PATJ: variants seen among roughly 807,000 people sequenced by gnomAD.
PATJ encodes inaD-like protein.
A neutral mutation model predicts 224.9 loss-of-function variants in PATJ; 190 were observed. The observed-to-expected ratio is 0.84, with a 90% CI of 0.75 to 0.95. The LOEUF is 0.95. PATJ is among the 40% of genes least tolerant of loss of function. PATJ has a pLI of 0.00. For synonymous variants in PATJ, 769 were observed against 820.3 expected, an observed-to-expected ratio of 0.94 and a Z score of 1.07; for missense variants, 2,121 against 2,270.3, an observed-to-expected ratio of 0.93 and a Z score of 1.34.
chr1:61,938,543 A>G (rs189486610), intron 27 of PATJ, among the ~76,000 whole-genome samples: 7 of 152,260 alleles, frequency 4.6e-5, no homozygotes, highest in Admixed American at 2.6e-4. Context: ...AAAAGTTGAA[A>G]TAAAAAAACA....
chr1:61,784,856 C>CT (rs1478805384), intron 7 of PATJ, among the ~76,000 whole-genome samples: 18 of 152,140 alleles, frequency 1.2e-4, no homozygotes, highest in African/African-American at 4.3e-4. Flanking sequence ...ATTCTTCATT[C>CT]TTTTTTTCAT....
At chr1:61,795,119 A>G (rs963389437) in intron 9 of PATJ, among the ~76,000 whole-genome samples, 1 of 151,472 alleles carries the variant, frequency 6.6e-6, no homozygotes, top group African/African-American at 2.4e-5. Flanking sequence ...AAAAAAAAAA[A>G]AAAGAAGTTT....
intron 22 of PATJ, among the ~76,000 whole-genome samples, chr1:61,891,288 A>G (rs12033235): frequency 0.089 from 13,491 of 152,274 alleles, 743 homozygotes; most frequent in South Asian, 0.25. Flanking sequence ...TTAACGTGAT[A>G]TTTTAAGCTC....
At chr1:62,054,801 A>G (rs1368309182) in intron 31 of PATJ, among the ~76,000 whole-genome samples, 1 of 152,142 alleles carries the variant, frequency 6.6e-6, no homozygotes, top group African/African-American at 2.4e-5. Context: ...TCATGCCTAT[A>G]ATCCCAGCAC....
intron 4 of PATJ, among the ~76,000 whole-genome samples, chr1:61,766,936 T>C (rs142023891): frequency 0.012 from 1,806 of 152,086 alleles, 45 homozygotes; most frequent in African/African-American, 0.041. Flanking sequence ...CTACTAAAAA[T>C]AGAAAAATTA....
intron 27 of PATJ, among the ~76,000 whole-genome samples, chr1:61,965,951 G>C (rs368815776): frequency 6.6e-6 from 1 of 152,006 alleles, no homozygotes; most frequent in South Asian, 2.1e-4. Context: ...TCCCAGGCTG[G>C]AGTGCAATGG....
intron 30 of PATJ, among the ~76,000 whole-genome samples, chr1:62,043,728 G>GC (rs201610806): frequency 4.0e-5 from 6 of 151,268 alleles, no homozygotes; most frequent in Admixed American, 6.6e-5. Flanking sequence ...TTTTGGTTTG[G>GC]GGGGGGCAGT....
intron 14 of PATJ, among the ~76,000 whole-genome samples, chr1:61,817,482 G>A (rs534762551): frequency 2.0e-5 from 3 of 152,218 alleles, no homozygotes; most frequent in Admixed American, 2.0e-4. Flanking sequence ...TGACCAACAT[G>A]ATGAAACCCC....
intron 25 of PATJ, among the ~76,000 whole-genome samples, chr1:61,913,415 C>T (rs1672983486): frequency 6.6e-6 from 1 of 152,112 alleles, no homozygotes; most frequent in African/African-American, 2.4e-5. Flanking sequence ...CCTTTGTTGT[C>T]CAGGCTGGTC....
At chr1:61,765,525 C>T (rs1646225225) in intron 3 of PATJ, among the ~76,000 whole-genome samples, 1 of 152,066 alleles carries the variant, frequency 6.6e-6, no homozygotes, top group Non-Finnish European at 1.5e-5. Context: ...CTTGGAATTA[C>T]AAGTGTGTAC....
chr1:61,894,560 C>T (rs1247481916), intron 22 of PATJ, among the ~76,000 whole-genome samples: 1 of 152,170 alleles, frequency 6.6e-6, no homozygotes, highest in Non-Finnish European at 1.5e-5. Context: ...TTCCTGCCAA[C>T]ATGTAAGATG....
At chr1:61,749,562 C>G (rs1240250189) in intron 1 of PATJ, among the ~76,000 whole-genome samples, 1 of 152,134 alleles carries the variant, frequency 6.6e-6, no homozygotes, top group Non-Finnish European at 1.5e-5. Context: ...AAATTCTCGT[C>G]AACAGGAGAT....
rs151090301 is a variant in PATJ, at chr1:61,829,094, T to C, written c.1980+1511T>C. ...CAGTCCATCCGTTTTTGTTTTCTTA[T>C]GTCCTGAAGTACATGAGAGTCTAAC... On this transcript the variant is annotated intron_variant, in intron 16 of 43. Coordinates refer to ENST00000642238, the MANE Select transcript of PATJ (RefSeq NM_001350145.3). 5.2e-3 allele frequency among the ~76,000 whole-genome samples: 791 copies of C among 152,332 alleles called. 10 individuals are homozygous for C. Among genetic ancestry groups the C allele is most frequent in the African/African-American group, 0.018 (755 of 41,564 alleles).
At chr1:62,152,158 G>T (rs1668696890) in intron 42 of PATJ, among the ~76,000 whole-genome samples, 1 of 152,182 alleles carries the variant, frequency 6.6e-6, no homozygotes, top group African/African-American at 2.4e-5. Context: ...AGAGGTTATA[G>T]TCTGGTAGAG....
At chr1:62,136,621 G>A (rs868560394) in intron 41 of PATJ, among the ~76,000 whole-genome samples, 31 of 149,748 alleles carry the variant, frequency 2.1e-4, no homozygotes, top group African/African-American at 7.4e-4. Context: ...CCAGCTGCAT[G>A]TAAGTGCTGA....
At chr1:61,948,533 A>G (rs993862264) in intron 27 of PATJ, among the ~76,000 whole-genome samples, 3 of 152,228 alleles carry the variant, frequency 2.0e-5, no homozygotes, top group African/African-American at 7.2e-5. Flanking sequence ...CACACCAGTT[A>G]GAATGGCAAT....
At chr1:62,138,312 CTGTT>C (rs546776869) in intron 41 of PATJ, among the ~76,000 whole-genome samples, 9 of 151,960 alleles carry the variant, frequency 5.9e-5, no homozygotes, top group Non-Finnish European at 1.3e-4. Context: ...CCTAAGTTTT[CTGTT>C]TGTTTGTTTG....
chr1:62,042,228 G>A (rs1336732868), intron 30 of PATJ, among the ~76,000 whole-genome samples: 2 of 152,110 alleles, frequency 1.3e-5, no homozygotes, highest in South Asian at 2.1e-4. Context: ...CTATGCGGGC[G>A]ATGTTTCTAT....
chr1:62,016,734 G>A (rs1646790178), intron 28 of PATJ, among the ~76,000 whole-genome samples: 1 of 152,146 alleles, frequency 6.6e-6, no homozygotes, highest in Non-Finnish European at 1.5e-5. Flanking sequence ...CTCATTGATG[G>A]CGTTCAGTAA....
Sources: gnomAD v4.1 joint callset for allele counts (sites outside exome capture counted in the v4.1 genomes callset) on GRCh38, gnomAD v4.1.1 for gene constraint, MANE v1.5 for transcripts, NCBI Gene and HGNC (gene_info 2026-07-23, HGNC 2026-07-21) for gene names.